The following ANKRD44 variants were observed in gnomAD, a reference collection of about 807,000 sequenced individuals.
ANKRD44 encodes the protein serine/threonine-protein phosphatase 6 regulatory ankyrin repeat subunit B.
ANKRD44 carries 35 observed loss-of-function variants against 116.0 expected under a neutral mutation model. The observed-to-expected ratio is 0.30, with a 90% CI of 0.23 to 0.40. ANKRD44 has a LOEUF of 0.40. Among genes scored for constraint, ANKRD44 ranks in the 10% least tolerant of loss-of-function variants. The probability of loss-of-function intolerance (pLI) is 1.00; values close to 1 mark genes in which losing one functional copy is unlikely to be tolerated. For synonymous variants in ANKRD44, 435 were observed against 461.8 expected, an observed-to-expected ratio of 0.94 and a Z score of 0.74; for missense variants, 1,014 against 1,242.6, an observed-to-expected ratio of 0.82 and a Z score of 2.77.
intron 1 of ANKRD44, among the ~76,000 whole-genome samples, chr2:197,266,199 C>T (rs892191084): frequency 2.6e-5 from 4 of 152,084 alleles, no homozygotes; most frequent in Non-Finnish European, 4.4e-5. Flanking sequence ...GAGGTGAAGA[C>T]TATCTAAAGA....
At chr2:196,995,348 G>A in intron 26 of ANKRD44, 31 bp downstream of exon 26, 1 of 1,522,156 alleles carries the variant, frequency 6.6e-7, no homozygotes, top group South Asian at 1.2e-5. Context: ...ATGACCCTGG[G>A]TTCAAGTCCA....
In ANKRD44 at chr2:197,235,684, G is replaced by A. The variant is rs191941432; in HGVS notation, c.28-48578C>T. Among the ~76,000 whole-genome samples, 341 of 150,448 alleles carry A rather than the reference G, an allele frequency of 2.3e-3. 2 individuals are homozygous for A. Among genetic ancestry groups the A allele is most frequent in the African/African-American group, 7.8e-3 (321 of 41,060 alleles). On this transcript the variant is annotated intron_variant, in intron 1 of 27. Transcript: ENST00000282272. ...TCTAGAAACTATAAAAACAGCTGGG[G>A]AGATATATAAATAATACAATACAAA...
At chr2:197,156,128 C>T (rs1001290678) in intron 2 of ANKRD44, among the ~76,000 whole-genome samples, 13 of 152,142 alleles carry the variant, frequency 8.5e-5, no homozygotes, top group African/African-American at 2.2e-4. Flanking sequence ...GGGCGGATCA[C>T]GAGGTCAGGA....
intron 1 of ANKRD44, among the ~76,000 whole-genome samples, chr2:197,287,579 T>C (rs1469513284): frequency 6.6e-6 from 1 of 152,146 alleles, no homozygotes; most frequent in Non-Finnish European, 1.5e-5. Context: ...AACAAATCCA[T>C]TCAACACACA....
Position 196,986,895 on chromosome 2 carries a change from T to C in ANKRD44, c.*2696A>G. 2 of 985,376 alleles carry C rather than the reference T, an allele frequency of 2.0e-6. No homozygotes were observed. Among genetic ancestry groups the C allele is most frequent in the South Asian group, 4.7e-5 (1 of 21,286 alleles). 61.0% of individuals were successfully genotyped at this position (985,376 alleles called of 1,614,324 possible). ...CAGAGTCATTCAACTCCAATTTACA[T>C]AAGAAAACATTATAGACAAAATCCC... On this transcript the variant is annotated 3_prime_UTR_variant, in exon 28 of 28. Coordinates refer to ENST00000282272, the MANE Select transcript of ANKRD44 (RefSeq NM_001195144.2).
intron 1 of ANKRD44, among the ~76,000 whole-genome samples, chr2:197,273,395 T>G (rs193048639): frequency 6.6e-6 from 1 of 152,348 alleles, no homozygotes; most frequent in Non-Finnish European, 1.5e-5. Flanking sequence ...TAAAAAGGTG[T>G]CTGGGAAATA....
At chr2:197,249,657 G>A (rs188416330) in intron 1 of ANKRD44, among the ~76,000 whole-genome samples, 3 of 152,234 alleles carry the variant, frequency 2.0e-5, no homozygotes, top group Non-Finnish European at 4.4e-5. Flanking sequence ...AGCTGCAGGA[G>A]GATCGTCAAT....
At chr2:197,300,281 A>G (rs1276967598) in intron 1 of ANKRD44, among the ~76,000 whole-genome samples, 30 of 152,160 alleles carry the variant, frequency 2.0e-4, no homozygotes, top group Non-Finnish European at 4.4e-4. Context: ...CCTACCTAAC[A>G]TGAACCCTAT....
intron 2 of ANKRD44, among the ~76,000 whole-genome samples, chr2:197,155,833 A>T (rs970555057): frequency 2.6e-5 from 4 of 152,244 alleles, no homozygotes; most frequent in African/African-American, 9.6e-5. Flanking sequence ...ATCAAAATGA[A>T]TAATGTCCAC....
chr2:197,086,566 G>T, intron 13 of ANKRD44, 114 bp downstream of exon 13: 2 of 934,088 alleles, frequency 2.1e-6, no homozygotes, highest in Non-Finnish European at 3.3e-6. Context: ...GAGGAGGATG[G>T]AATCCCCCCA....
chr2:197,184,049 G>T (rs1486175326), intron 2 of ANKRD44, among the ~76,000 whole-genome samples: 1 of 151,982 alleles, frequency 6.6e-6, no homozygotes, highest in African/African-American at 2.4e-5. Flanking sequence ...TCATGGAAAG[G>T]GTGCCATCTC....
rs995857688 is a variant in ANKRD44 at position 197,009,005 on chromosome 2, G to A, written c.1951C>T (p.Arg651Trp). 5.0e-6 allele frequency: 8 copies of A among 1,613,916 alleles called. No homozygotes were observed. The highest frequency in any genetic ancestry group is 2.2e-5 in the East Asian group (1 of 44,896). Reference protein sequence around the residue: ...SVINGHTLCLRLLLEIADNPE... With the variant: ...SVINGHTLCLWLLLEIADNPE... ...TTGTCTGCAATTTCTAGCAACAGCC[G>A]TAAACACAGTGTGTGACCATTAATT... Residue 651 changes from arginine (R) to tryptophan (W), a missense_variant, in exon 19 of 28, where the codon CGG (arginine) becomes TGG (tryptophan). Physicochemically the swap from Arg to Trp is moderately radical, Grantham distance 101 (BLOSUM62 -3). Coordinates refer to ENST00000282272, the MANE Select transcript of ANKRD44 (RefSeq NM_001195144.2).
rs147195565 is a variant in ANKRD44, at chr2:196,987,979, AAG to A, written c.*1610_*1611del. ...GGTATGGGAGAAAGAGAAAGAGAGGAAGAGAGAGAGAGAGAGATCAGTTGATG... is the reference window on the plus strand; with the variant it reads ...GGTATGGGAGAAAGAGAAAGAGAGGAAGAGAGAGAGAGAGATCAGTTGATG... On this transcript the variant is annotated 3_prime_UTR_variant, in exon 28 of 28. Coordinates refer to ENST00000282272, the MANE Select transcript of ANKRD44 (RefSeq NM_001195144.2). The A allele has an allele frequency of 1.7e-3, 1,491 of 863,484 alleles. No individual in the cohort carries two copies. Among genetic ancestry groups the A allele is most frequent in the Middle Eastern group, 3.5e-3 (6 of 1,698 alleles). The allele number at this position is 863,484 out of a possible 1,614,324, so 53.5% of individuals were successfully genotyped here. A position where few individuals can be genotyped will look rare whatever the true frequency, so the allele number is the denominator to read the frequency against.
chr2:197,263,281 C>T (rs892950498), intron 1 of ANKRD44: 20 of 618,976 alleles, frequency 3.2e-5, no homozygotes, highest in Admixed American at 1.8e-4. Flanking sequence ...TCCCTGGCCG[C>T]AGCTTGGAAA....
chr2:197,287,105 T>C (rs905017459), intron 1 of ANKRD44, among the ~76,000 whole-genome samples: 1 of 152,122 alleles, frequency 6.6e-6, no homozygotes, highest in Non-Finnish European at 1.5e-5. Flanking sequence ...GGTGATGATG[T>C]GTCAATGCAG....
At chr2:197,289,406 T>G (rs909046620) in intron 1 of ANKRD44, among the ~76,000 whole-genome samples, 2 of 152,182 alleles carry the variant, frequency 1.3e-5, no homozygotes, top group South Asian at 4.1e-4. Context: ...CAAGAGAAAT[T>G]TCTTTATGTT....
chr2:197,125,266 C>A (rs1346303238), intron 6 of ANKRD44, 115 bp downstream of exon 6: 3 of 964,414 alleles, frequency 3.1e-6, no homozygotes, highest in Non-Finnish European at 4.8e-6. Context: ...CATTCAATTG[C>A]AACCCAAGCT....
intron 7 of ANKRD44, 138 bp from the exon 8 acceptor site, chr2:197,121,682 C>T: frequency 1.3e-6 from 1 of 762,448 alleles, no homozygotes; most frequent in East Asian, 2.7e-5. Context: ...TACTCTTGCC[C>T]CAGTGTGGTC....
chr2:196,994,528 G>A (rs925774045), intron 26 of ANKRD44: 3 of 140,574 alleles, frequency 2.1e-5, no homozygotes, highest in African/African-American at 8.0e-5. Flanking sequence ...TTTTTTTTGT[G>A]GGGGGACAGT....
Sources: allele counts gnomAD v4.1 joint callset (sites outside exome capture counted in the v4.1 genomes callset), GRCh38; gene constraint gnomAD v4.1.1; transcripts MANE v1.5; gene names NCBI Gene and HGNC (gene_info 2026-07-23, HGNC 2026-07-21).